KCNK18: variants seen among roughly 807,000 people sequenced by gnomAD.
The protein encoded by KCNK18 is potassium two pore domain channel subfamily K member 18.
KCNK18 carries 8 observed loss-of-function variants against 11.8 expected under a neutral mutation model. The observed-to-expected ratio is 0.68, with a 90% confidence interval of 0.40 to 1.22. The LOEUF (loss-of-function observed/expected upper bound fraction) is 1.22. KCNK18 is among the 50% of genes most tolerant of loss of function. The pLI is 0.01. For synonymous variants in KCNK18, 208 were observed against 185.8 expected (o/e 1.12, Z -0.97); for missense variants, 442 against 465.4 (o/e 0.95, Z 0.46).
At chr10:117,204,754 G>A (rs901314652) in intron 2 of KCNK18, among the ~76,000 whole-genome samples, 1 of 152,176 alleles carries the variant, frequency 6.6e-6, no homozygotes, top group African/African-American at 2.4e-5. Context: ...GCATGTCAGA[G>A]TCACCTGCAG....
chr10:117,210,088 A>C lies in KCNK18; in HGVS notation c.944A>C (p.Tyr315Ser), dbSNP rs1277878862. 2 of 1,613,958 alleles carry C rather than the reference A, an allele frequency of 1.2e-6. No individual in the cohort carries two copies. Among genetic ancestry groups the C allele is most frequent in the Non-Finnish European group, 8.5e-7 (1 of 1,180,028 alleles). The change falls in exon 3 of 3, where the codon TAT (tyrosine) becomes TCT (serine). Residue 315 changes from tyrosine to serine, a missense_variant. Transcript: ENST00000334549. ...ETQLDFENAFYFCFVTLTTIG... is the reference protein window; with the variant it reads ...ETQLDFENAFSFCFVTLTTIG... Reference sequence around the variant, plus strand: ...CAGTTGGATTTCGAGAATGCCTTCTATTTCTGCTTTGTCACACTCACCACC... The same window carrying C: ...CAGTTGGATTTCGAGAATGCCTTCTCTTTCTGCTTTGTCACACTCACCACC...
chr10:117,206,526 G>A (rs1205618956), intron 2 of KCNK18, among the ~76,000 whole-genome samples: 1 of 152,116 alleles, frequency 6.6e-6, no homozygotes, highest in African/African-American at 2.4e-5. Flanking sequence ...TTAGGACTTG[G>A]CTATATTTGG....
intron 1 of KCNK18, among the ~76,000 whole-genome samples, chr10:117,198,817 A>G (rs1829918703): frequency 6.6e-6 from 1 of 152,184 alleles, no homozygotes. Flanking sequence ...CTTGCCAGAC[A>G]GACGCCAGCC....
chr10:117,209,639 G>T lies in KCNK18; in HGVS notation c.495G>T (p.Arg165=). 6.2e-7 allele frequency: 1 copy of T among 1,614,072 alleles called. No homozygotes were observed. ...CCATCTTATCTACATCTTATAATCGGTTCCGAAAATTCCCTTTCTTTACCC... is the reference window on the plus strand; with the variant it reads ...CCATCTTATCTACATCTTATAATCGTTTCCGAAAATTCCCTTTCTTTACCC... ...LATILSTSYN[R]FRKFPFFTRP... is the part of the protein sequence containing the mutation. Residue 165 remains arginine (R), a synonymous_variant, in exon 3 of 3, where the codon CGG becomes CGT. Transcript: ENST00000334549.
chr10:117,209,934 T>A lies in KCNK18; in HGVS notation c.790T>A (p.Ser264Thr), dbSNP rs1254846593. The A allele has an allele frequency of 6.2e-7, 1 of 1,614,220 alleles. No individual in the cohort carries two copies. Among genetic ancestry groups the A allele is most frequent in the East Asian group, 2.2e-5 (1 of 44,884 alleles). ...ACTGGTGTTGGGAAGACTCTCATACTCCATCATCAGCAACCTGGATGAAGT... is the reference window on the plus strand; with the variant it reads ...ACTGGTGTTGGGAAGACTCTCATACACCATCATCAGCAACCTGGATGAAGT... ...PELVLGRLSY[S>T]IISNLDEVGQ... Residue 264 changes from serine to threonine, a missense_variant, in exon 3 of 3, where the codon TCC becomes ACC. Transcript: ENST00000334549.
intron 2 of KCNK18, among the ~76,000 whole-genome samples, chr10:117,207,772 C>T (rs1053457631): frequency 7.2e-5 from 11 of 152,162 alleles, no homozygotes; most frequent in Admixed American, 5.2e-4. Context: ...CAAAGTTTGC[C>T]ACAGGGAGCT....
In KCNK18 at chr10:117,209,924, A is replaced by G; in HGVS notation, c.780A>G (p.Arg260=). 1.2e-6 allele frequency: 2 copies of G among 1,614,014 alleles called. No individual in the cohort carries two copies. Among genetic ancestry groups the G allele is most frequent in the South Asian group, 1.1e-5 (1 of 91,074 alleles). The change falls in exon 3 of 3, where the codon AGA becomes AGG. Residue 260 remains arginine (R), a synonymous_variant. Coordinates refer to ENST00000334549, the MANE Select transcript of KCNK18 (RefSeq NM_181840.1). The part of the protein sequence containing the change: ...SNSCPELVLG[R]LSYSIISNLD... Reference sequence around the variant, plus strand: ...CGTGTCCCGAACTGGTGTTGGGAAGACTCTCATACTCCATCATCAGCAACC... The same window carrying G: ...CGTGTCCCGAACTGGTGTTGGGAAGGCTCTCATACTCCATCATCAGCAACC...
intron 2 of KCNK18, among the ~76,000 whole-genome samples, chr10:117,206,304 G>A (rs910330486): frequency 5.3e-5 from 8 of 152,008 alleles, no homozygotes; most frequent in Non-Finnish European, 1.0e-4. Flanking sequence ...CCCCTGGCTC[G>A]TGGCCACATC....
In KCNK18 at chr10:117,197,513, G is replaced by A. The variant is rs1461857136; in HGVS notation, c.25G>A (p.Ala9Thr). ...GATGGAGGTCTCGGGGCACCCCCAG[G>A]CCAGGAGATGCTGCCCAGAGGCCCT... MEVSGHPQ[A>T]RRCCPEALGK... Residue 9 changes from alanine to threonine, a missense_variant, in exon 1 of 3, where the codon GCC (alanine) becomes ACC (threonine). By Grantham distance (58) the Ala-to-Thr change is moderately conservative. Transcript: ENST00000334549. 6.2e-7 allele frequency: 1 copy of A among 1,613,550 alleles called. No homozygotes were observed. The highest frequency in any genetic ancestry group is 1.3e-5 in the African/African-American group (1 of 75,036).
chr10:117,198,297 G>T lies in KCNK18; in HGVS notation c.223+586G>T, dbSNP rs188276742. ...TGTGAGAAGACCTGGGGGGAGGGGTGGGGGTCCTGGCTGTTGTCCTGGCTG... is the reference window on the plus strand; with the variant it reads ...TGTGAGAAGACCTGGGGGGAGGGGTTGGGGTCCTGGCTGTTGTCCTGGCTG... On this transcript the variant is annotated intron_variant, in intron 1 of 2. Transcript: ENST00000334549. 5.3e-3 allele frequency among the ~76,000 whole-genome samples: 813 copies of T among 152,206 alleles called. 7 individuals carry two copies. The highest frequency in any genetic ancestry group is 0.019 in the African/African-American group (780 of 41,516).
At chr10:117,201,064 C>A (rs1278864048) in intron 1 of KCNK18, 95 bp from the exon 2 acceptor site, 14 of 1,482,526 alleles carry the variant, frequency 9.4e-6, no homozygotes. Context: ...AAAGGGGCTG[C>A]TGGTCCTTGG....
chr10:117,210,174 A>G lies in KCNK18; in HGVS notation c.1030A>G (p.Ile344Val), dbSNP rs760575756. The G allele has an allele frequency of 7.4e-6, 12 of 1,614,220 alleles. 1 individual carries two copies. The South Asian group carries it at 1.1e-4, about 15-fold the overall frequency. Residue 344 changes from isoleucine to valine, a missense_variant, in exon 3 of 3, where the codon ATC (isoleucine) becomes GTC (valine). Physicochemically the swap from Ile to Val is conservative, Grantham distance 29. Coordinates refer to ENST00000334549, the MANE Select transcript of KCNK18 (RefSeq NM_181840.1). ...CTTCTTCCTGTTCTTCTCCATTTAT[A>G]TCATCGTTGGAATGGAGATTGTGTT... ...PNFFLFFSIY[I>V]IVGMEIVFIA...
chr10:117,209,510 C>G lies in KCNK18; in HGVS notation c.366C>G (p.Ile122Met). The change falls in exon 3 of 3, where the codon ATC becomes ATG. Residue 122 changes from isoleucine to methionine, a missense_variant. Physicochemically the swap from Ile to Met is conservative, Grantham distance 10 (BLOSUM62 1). Transcript: ENST00000334549. Reference protein sequence around the residue: ...TVFSTVGYGYIYPVTRLGKYL... With the variant: ...TVFSTVGYGYMYPVTRLGKYL... ...CTTCTTTTTCAGGCTATGGCTACAT[C>G]TACCCCGTCACCAGGCTTGGCAAGT... is the stretch of plus-strand genomic sequence containing the variant. 3.1e-6 allele frequency: 5 copies of G among 1,614,088 alleles called. No homozygotes were observed. The highest frequency in any genetic ancestry group is 4.2e-6 in the Non-Finnish European group (5 of 1,179,966).
Position 117,207,348 on chromosome 10 carries a change from C to T in KCNK18, c.353-2149C>T, listed in dbSNP as rs1360513008. Among the ~76,000 whole-genome samples, 3 of 152,204 alleles carry T rather than the reference C, an allele frequency of 2.0e-5. No homozygotes were observed. In the East Asian group the frequency reaches 5.8e-4, roughly 29 times the overall value. On this transcript the variant is annotated intron_variant, in intron 2 of 2. Coordinates refer to ENST00000334549, the MANE Select transcript of KCNK18 (RefSeq NM_181840.1). Reference sequence around the variant, plus strand: ...ATGGCTTAGGATAGGTGCCTTTGTTCTAATCATTCATGGAATGGTCTGCTC... The same window carrying T: ...ATGGCTTAGGATAGGTGCCTTTGTTTTAATCATTCATGGAATGGTCTGCTC...
chr10:117,208,706 AC>A (rs1855106050), intron 2 of KCNK18, among the ~76,000 whole-genome samples: 1 of 151,748 alleles, frequency 6.6e-6, no homozygotes, highest in Non-Finnish European at 1.5e-5. Flanking sequence ...CCTCTTAGAA[AC>A]AAAGAGCTCA....
intron 1 of KCNK18, among the ~76,000 whole-genome samples, chr10:117,199,581 A>G (rs1041581986): frequency 1.3e-5 from 2 of 152,316 alleles, no homozygotes; most frequent in African/African-American, 4.8e-5. Flanking sequence ...AGGTTAAGCA[A>G]TTTGTCCAAG....
At chr10:117,205,885 A>G (rs541153568) in intron 2 of KCNK18, among the ~76,000 whole-genome samples, 63 of 152,172 alleles carry the variant, frequency 4.1e-4, no homozygotes, top group South Asian at 3.1e-3. Context: ...CCTTGTCTCT[A>G]CTAAAAATAC....
chr10:117,199,564 C>T (rs184193384), intron 1 of KCNK18, among the ~76,000 whole-genome samples: 4 of 152,256 alleles, frequency 2.6e-5, no homozygotes, highest in Admixed American at 2.0e-4. Context: ...GAAATTGAGG[C>T]CTTGGGAGGT....
At chr10:117,198,801 T>G (rs946177271) in intron 1 of KCNK18, among the ~76,000 whole-genome samples, 1 of 152,172 alleles carries the variant, frequency 6.6e-6, no homozygotes, top group Non-Finnish European at 1.5e-5. Flanking sequence ...TCCCACTCCC[T>G]GCATCCTTGC....
Sources: allele counts gnomAD v4.1 joint callset (sites outside exome capture counted in the v4.1 genomes callset), GRCh38; gene constraint gnomAD v4.1.1; transcripts MANE v1.5; gene names NCBI Gene and HGNC (gene_info 2026-07-23, HGNC 2026-07-21).